PIGU: variants seen among roughly 807,000 people sequenced by gnomAD.
The protein encoded by PIGU is phosphatidylinositol glycan anchor biosynthesis class U.
PIGU carries 24 observed loss-of-function variants against 49.9 expected under a neutral mutation model. The observed-to-expected ratio is 0.48, with a 90% CI of 0.35 to 0.68. The LOEUF is 0.68. Among genes scored for constraint, PIGU ranks in the 30% least tolerant of loss-of-function variants. The pLI is 0.01. For synonymous variants in PIGU, 220 were observed against 205.7 expected, an observed-to-expected ratio of 1.07 and a Z score of -0.59; for missense variants, 490 against 532.6, an observed-to-expected ratio of 0.92 and a Z score of 0.79.
intron 7 of PIGU, among the ~76,000 whole-genome samples, chr20:34,604,969 T>G (rs769072366): frequency 6.6e-6 from 1 of 151,992 alleles, no homozygotes; most frequent in Non-Finnish European, 1.5e-5. Flanking sequence ...AAAAGGAAGA[T>G]GGGAACTAGA....
intron 11 of PIGU, among the ~76,000 whole-genome samples, chr20:34,569,720 G>A (rs543270158): frequency 1.3e-5 from 2 of 152,282 alleles, no homozygotes; most frequent in Non-Finnish European, 2.9e-5. Context: ...GGATTGGCAC[G>A]GGGAGGTCAG....
chr20:34,616,055 A>G lies in PIGU; in HGVS notation c.614T>C (p.Leu205Pro), dbSNP rs767542909. The G allele has an allele frequency of 6.2e-7, 1 of 1,611,494 alleles. No individual in the cohort carries two copies. The highest frequency in any genetic ancestry group is 8.5e-7 in the Non-Finnish European group (1 of 1,179,002). ...YPLTLFVPGL[L>P]YLLQRQYIPV... ...GCAAGTGCTTACCTGGAGGAGATAG[A>G]GGAGTCCTGGGACAAACAAGGTGAG... The change falls in exon 7 of 12, where the codon CTC becomes CCC. Residue 205 changes from leucine to proline, a missense_variant. Physicochemically the swap from Leu to Pro is moderately conservative, Grantham distance 98 (BLOSUM62 -3). Coordinates refer to ENST00000217446, the MANE Select transcript of PIGU (RefSeq NM_080476.5).
intron 7 of PIGU, among the ~76,000 whole-genome samples, chr20:34,600,749 T>C (rs918650764): frequency 5.3e-5 from 8 of 152,054 alleles, no homozygotes; most frequent in Non-Finnish European, 1.0e-4. Context: ...TAAAAGCAGT[T>C]ATTGGCCGGG....
rs866450312 is a variant in PIGU, at chr20:34,670,668, T to A, written c.130+6288A>T. Among the ~76,000 whole-genome samples, 3 of 152,106 alleles carry A rather than the reference T, an allele frequency of 2.0e-5. No individual in the cohort carries two copies. The East Asian group carries it at 5.8e-4, about 29-fold the overall frequency. ...CACCCTCCCACCTCAGTCTCCCAGG[T>A]AGCTGGGACTACAGGCACACGCCAC... On this transcript the variant is annotated intron_variant, in intron 1 of 11. Coordinates refer to ENST00000217446, the MANE Select transcript of PIGU (RefSeq NM_080476.5).
intron 1 of PIGU, among the ~76,000 whole-genome samples, chr20:34,673,342 T>G (rs777030772): frequency 5.9e-5 from 9 of 152,148 alleles, no homozygotes; most frequent in Admixed American, 5.9e-4. Context: ...TTTTAGGGTT[T>G]ATATAATCAG....
rs370615579 is a variant in PIGU at position 34,676,937 on chromosome 20, C to T, written c.130+19G>A. The T allele has an allele frequency of 1.1e-5, 17 of 1,561,104 alleles. No individual in the cohort carries two copies. The highest frequency in any genetic ancestry group is 1.9e-5 in the Admixed American group (1 of 51,462). On this transcript the variant is annotated intron_variant, in intron 1 of 11. Coordinates refer to ENST00000217446, the MANE Select transcript of PIGU (RefSeq NM_080476.5). ...AGGGCAGGTGGGGCCTGACAGTCTG[C>T]TCGAGCCAGTGGCCTCACCTCTCTT...
intron 11 of PIGU, among the ~76,000 whole-genome samples, chr20:34,561,855 G>GC (rs1982529273): frequency 6.6e-6 from 1 of 151,950 alleles, no homozygotes; most frequent in African/African-American, 2.4e-5. Flanking sequence ...AGGATCACTT[G>GC]CCCCCCAGAT....
In PIGU at chr20:34,634,528, AAAAAC is replaced by A. The variant is rs372332020; in HGVS notation, c.529+82_529+86del. The stretch of plus-strand genomic sequence containing the variant: ...ATGTTTTTAAGTGTTGCATTAAAAA[AAAAAC>A]AAAACAAAACCACAGCACAAGTGTT... On this transcript the variant is annotated intron_variant, in intron 6 of 11. Transcript: ENST00000217446. The A allele has an allele frequency of 8.5e-4, 1,217 of 1,438,522 alleles. 4 individuals are homozygous for A. The South Asian group carries it at 0.011, about 13-fold the overall frequency. 89.1% of individuals were successfully genotyped at this position (1,438,522 alleles called of 1,614,324 possible).
chr20:34,665,424 C>T (rs1186062053), intron 1 of PIGU, among the ~76,000 whole-genome samples: 1 of 151,158 alleles, frequency 6.6e-6, no homozygotes, highest in Non-Finnish European at 1.5e-5. Context: ...AGGATGGTCT[C>T]GATCTCCTGA....
chr20:34,612,679 G>A (rs557833998), intron 7 of PIGU, among the ~76,000 whole-genome samples: 20 of 149,494 alleles, frequency 1.3e-4, no homozygotes, highest in Middle Eastern at 3.4e-3. Context: ...GCTGGAATGC[G>A]GTGGTGCGAT....
intron 11 of PIGU, among the ~76,000 whole-genome samples, chr20:34,573,473 C>A (rs1470802312): frequency 6.6e-6 from 1 of 152,226 alleles, no homozygotes; most frequent in Non-Finnish European, 1.5e-5. Flanking sequence ...AAGCTGTTAT[C>A]TGGCAAGTTC....
chr20:34,605,520 T>TA (rs1045487088), intron 7 of PIGU, among the ~76,000 whole-genome samples: 3 of 152,242 alleles, frequency 2.0e-5, no homozygotes, highest in Admixed American at 2.0e-4. Context: ...ATTTGAATAC[T>TA]AATAATCATA....
At position 34,622,304 on chromosome 20, in the gene PIGU, GT is replaced by G. The variant is rs563959773; in HGVS notation, c.530-6166del. Reference sequence around the variant, plus strand: ...GAGGCCGAGGAGGGTGGATCACAAGGTCAGGAGTTCGAGACCAGCCTGGCCA... The same window carrying G: ...GAGGCCGAGGAGGGTGGATCACAAGGCAGGAGTTCGAGACCAGCCTGGCCA... On this transcript the variant is annotated intron_variant, in intron 6 of 11. Coordinates refer to ENST00000217446, the MANE Select transcript of PIGU (RefSeq NM_080476.5). 1.5e-3 allele frequency among the ~76,000 whole-genome samples: 228 copies of G among 152,174 alleles called. 1 individual carries two copies. Among genetic ancestry groups the G allele is most frequent in the African/African-American group, 5.3e-3 (219 of 41,522 alleles).
intron 7 of PIGU, among the ~76,000 whole-genome samples, chr20:34,607,315 G>A (rs1388725648): frequency 6.6e-6 from 1 of 152,080 alleles, no homozygotes; most frequent in Non-Finnish European, 1.5e-5. Flanking sequence ...AACCACCCTG[G>A]CCTGGCCTGC....
intron 7 of PIGU, among the ~76,000 whole-genome samples, chr20:34,608,635 G>C (rs1984703479): frequency 6.6e-6 from 1 of 152,110 alleles, no homozygotes. Context: ...AAAAAACTCA[G>C]AGAAAAAGAT....
At chr20:34,668,643 C>A (rs1987194858) in intron 1 of PIGU, among the ~76,000 whole-genome samples, 1 of 150,342 alleles carries the variant, frequency 6.7e-6, no homozygotes. Context: ...GTGGCGGGCA[C>A]CTGTAGTCCC....
intron 2 of PIGU, among the ~76,000 whole-genome samples, chr20:34,650,095 G>T (rs188661853): frequency 2.0e-5 from 3 of 147,614 alleles, no homozygotes; most frequent in Admixed American, 2.0e-4. Context: ...TGATCCGCCC[G>T]CCTCGGCCTC....
chr20:34,677,058 C>T lies in PIGU; in HGVS notation c.28G>A (p.Val10Met), dbSNP rs1399143807. 1 of 1,571,102 alleles carries T rather than the reference C, an allele frequency of 6.4e-7. No homozygotes were observed. The highest frequency in any genetic ancestry group is 8.6e-7 in the Non-Finnish European group (1 of 1,158,508). The change falls in exon 1 of 12, where the codon GTG becomes ATG. Residue 10 changes from valine (V) to methionine (M), a missense_variant. Transcript: ENST00000217446. MAAPLVLVL[V>M]VAVTVRAALF... ...GCCGCCCGCACTGTCACAGCCACCACCAGCACCAGGACCAAGGGAGCCGCC... is the reference window on the plus strand; with the variant it reads ...GCCGCCCGCACTGTCACAGCCACCATCAGCACCAGGACCAAGGGAGCCGCC...
At position 34,629,138 on chromosome 20, in the gene PIGU, C is replaced by T. The variant is rs545863074; in HGVS notation, c.529+5477G>A. ...TTCAAGCAATTCTCTGCCTCAGCCTCCCAAGTAGCTAGGATTACGGGTGCC... is the reference window on the plus strand; with the variant it reads ...TTCAAGCAATTCTCTGCCTCAGCCTTCCAAGTAGCTAGGATTACGGGTGCC... On this transcript the variant is annotated intron_variant, in intron 6 of 11. Transcript: ENST00000217446. Among the ~76,000 whole-genome samples the T allele has an allele frequency of 2.0e-4, 31 of 152,104 alleles. No individual in the cohort carries two copies. In the South Asian group the frequency reaches 4.8e-3, roughly 23 times the overall value.
Sources: allele counts gnomAD v4.1 joint callset (sites outside exome capture counted in the v4.1 genomes callset), GRCh38; gene constraint gnomAD v4.1.1; transcripts MANE v1.5; gene names NCBI Gene and HGNC (gene_info 2026-07-23, HGNC 2026-07-21).